Variants in NF2 observed in about 807,000 individuals in gnomAD.
NF2 encodes NF2, moesin-ezrin-radixin like (MERLIN) tumor suppressor.
A neutral mutation model predicts 83.7 loss-of-function variants in NF2; 8 were observed. The observed-to-expected ratio is 0.10, with a 90% confidence interval of 0.06 to 0.17. NF2 has a LOEUF of 0.17. Ranked by LOEUF, NF2 falls within the 10% of genes least tolerant of loss-of-function variation. The probability of loss-of-function intolerance (pLI) is 1.00; values close to 1 mark genes in which losing one functional copy is unlikely to be tolerated. For missense variants in NF2, 533 were observed against 744.4 expected, an observed-to-expected ratio of 0.72 and a Z score of 3.31; for synonymous variants, 266 against 269.6, an observed-to-expected ratio of 0.99 and a Z score of 0.13.
chr22:29,659,954 C>T (rs1359807489), intron 7 of NF2, among the ~76,000 whole-genome samples: 8 of 152,162 alleles, frequency 5.3e-5, no homozygotes, highest in African/African-American at 1.4e-4. Flanking sequence ...TGCTGGAGTA[C>T]TCACTCCTCA....
chr22:29,626,186 A>T (rs1297053059), intron 1 of NF2, among the ~76,000 whole-genome samples: 8 of 147,318 alleles, frequency 5.4e-5, no homozygotes, highest in African/African-American at 2.0e-4. Context: ...ATGGAGTCTA[A>T]CTCTGTCACC....
chr22:29,646,675 C>T (rs2065990011), intron 4 of NF2, among the ~76,000 whole-genome samples: 1 of 152,114 alleles, frequency 6.6e-6, no homozygotes, highest in Non-Finnish European at 1.5e-5. Flanking sequence ...AAACAATTAC[C>T]CTCAAAGTAT....
At chr22:29,683,647 A>G (rs754401328) in intron 15 of NF2, 90 of 1,084,758 alleles carry the variant, frequency 8.3e-5, no homozygotes, top group Non-Finnish European at 9.3e-5. Context: ...CTGATATGTG[A>G]GTCCACGGGG....
intron 15 of NF2, among the ~76,000 whole-genome samples, chr22:29,685,236 T>G (rs2067241613): frequency 2.6e-5 from 4 of 151,648 alleles, no homozygotes; most frequent in Non-Finnish European, 5.9e-5. Context: ...GCCTCCCAAG[T>G]AGCTGAGACT....
At chr22:29,622,152 C>T (rs528459815) in intron 1 of NF2, among the ~76,000 whole-genome samples, 2 of 152,362 alleles carry the variant, frequency 1.3e-5, no homozygotes, top group African/African-American at 4.8e-5. Context: ...ACTTCCTCAA[C>T]TTAACAACTA....
At chr22:29,665,208 A>C in intron 9 of NF2, 144 bp downstream of exon 9, 1 of 711,072 alleles carries the variant, frequency 1.4e-6, no homozygotes, top group Non-Finnish European at 2.4e-6. Context: ...TAGCTTAAAG[A>C]GTTAAAACTA....
At chr22:29,607,301 G>C (rs908258479) in intron 1 of NF2, among the ~76,000 whole-genome samples, 4 of 151,524 alleles carry the variant, frequency 2.6e-5, no homozygotes. Context: ...TCAGTGTGTT[G>C]TTGAAAATAA....
At chr22:29,640,279 C>G (rs1447942567) in intron 3 of NF2, among the ~76,000 whole-genome samples, 1 of 150,536 alleles carries the variant, frequency 6.6e-6, no homozygotes, top group African/African-American at 2.4e-5. Context: ...CTTCAGACAT[C>G]GTGCTTCATG....
chr22:29,609,669 T>C (rs1322602143), intron 1 of NF2, among the ~76,000 whole-genome samples: 1 of 152,206 alleles, frequency 6.6e-6, no homozygotes, highest in Non-Finnish European at 1.5e-5. Context: ...AAGTTAGAAA[T>C]TGGTGTGTAT....
At chr22:29,669,314 A>C (rs903824059) in intron 10 of NF2, among the ~76,000 whole-genome samples, 2 of 152,148 alleles carry the variant, frequency 1.3e-5, no homozygotes, top group African/African-American at 4.8e-5. Context: ...TGTTGGACAA[A>C]GAAATCCTAC....
intron 1 of NF2, among the ~76,000 whole-genome samples, chr22:29,624,919 C>CTTTCTTTCTTTCTT (rs1369324990): frequency 3.5e-5 from 5 of 144,030 alleles, no homozygotes; most frequent in African/African-American, 1.3e-4. Flanking sequence ...CTCTCTCTCT[C>CTTTCTTTCTTTCTT]TCTTTCTTTC....
rs780483061 is a variant in NF2, at chr22:29,642,214, A to G, written c.376A>G (p.Ile126Val). Residue 126 changes from isoleucine to valine, a missense_variant, in exon 4 of 16, where the codon ATT becomes GTT. Transcript: ENST00000338641. ...HLFFLQVKKQ[I>V]LDEKIYCPPE... ...TTGCTCCTTTCAGGTAAAGAAGCAG[A>G]TTTTAGATGAAAAGATCTACTGCCC... 4 of 1,614,006 alleles carry G rather than the reference A, an allele frequency of 2.5e-6. No individual in the cohort carries two copies. The Middle Eastern group carries it at 5.0e-4, about 200-fold the overall frequency.
At position 29,695,098 on chromosome 22, in the gene NF2, C is replaced by A; in HGVS notation, c.*296C>A. On this transcript the variant is annotated 3_prime_UTR_variant, in exon 16 of 16. Coordinates refer to ENST00000338641, the MANE Select transcript of NF2 (RefSeq NM_000268.4). This position sits in a 1 kb window ranked among gnomAD's most constrained non-coding sequence, Gnocchi z 5.4. Reference sequence around the variant, plus strand: ...TCCTGACTCCCTTCGTCCAAGGCACCGGTGTGTGTGTGTCTTGCACTCCAG... The same window carrying A: ...TCCTGACTCCCTTCGTCCAAGGCACAGGTGTGTGTGTGTCTTGCACTCCAG... 1 of 528,814 alleles carries A rather than the reference C, an allele frequency of 1.9e-6. No homozygotes were observed. Among genetic ancestry groups the A allele is most frequent in the Non-Finnish European group, 3.4e-6 (1 of 291,664 alleles). 32.8% of individuals were successfully genotyped at this position (528,814 alleles called of 1,614,324 possible). A position where few individuals can be genotyped will look rare whatever the true frequency, so the allele number is the denominator to read the frequency against.
chr22:29,675,019 G>A (rs1170507014), intron 13 of NF2, 78 bp downstream of exon 13: 32 of 1,275,240 alleles, frequency 2.5e-5, no homozygotes, highest in Non-Finnish European at 3.3e-6. Flanking sequence ...CAGTTCATCT[G>A]GCGGTGCCTT....
chr22:29,612,911 C>T (rs1286033170), intron 1 of NF2, among the ~76,000 whole-genome samples: 1 of 151,764 alleles, frequency 6.6e-6, no homozygotes, highest in African/African-American at 2.4e-5. Flanking sequence ...GCCTGGCCAA[C>T]ATGGAGAAAC....
rs147792094 is a variant in NF2 at position 29,693,681 on chromosome 22, G to A, written c.1738-1071G>A. Reference sequence around the variant, plus strand: ...GTGAGCTCTCGGACCTTCTCAGCCGGGTGTGGAGCTCTTGCCTCTCCCGCG... The same window carrying A: ...GTGAGCTCTCGGACCTTCTCAGCCGAGTGTGGAGCTCTTGCCTCTCCCGCG... On this transcript the variant is annotated intron_variant, in intron 15 of 15. Coordinates refer to ENST00000338641, the MANE Select transcript of NF2 (RefSeq NM_000268.4). 1.2e-4 allele frequency among the ~76,000 whole-genome samples: 18 copies of A among 152,298 alleles called. No individual in the cohort carries two copies. In the East Asian group the frequency reaches 3.3e-3, roughly 28 times the overall value.
intron 4 of NF2, among the ~76,000 whole-genome samples, chr22:29,651,788 T>C (rs2066154849): frequency 1.3e-5 from 2 of 152,156 alleles, no homozygotes; most frequent in Admixed American, 1.3e-4. Flanking sequence ...ATAATGGGGG[T>C]TGTTAATCTT....
chr22:29,673,780 A>G lies in NF2; in HGVS notation c.1340+294A>G, dbSNP rs113515575. On this transcript the variant is annotated intron_variant, in intron 12 of 15. Transcript: ENST00000338641. ...GGCCGTGTGTGCAGGAAAACCCCTG[A>G]GCATATCCACAGACCGCTTTCAGCT... 4.4e-3 allele frequency among the ~76,000 whole-genome samples: 674 copies of G among 152,254 alleles called. 6 individuals are homozygous for G. The highest frequency in any genetic ancestry group is 0.015 in the African/African-American group (640 of 41,542).
chr22:29,610,996 G>A (rs1296939827), intron 1 of NF2, among the ~76,000 whole-genome samples: 14 of 152,104 alleles, frequency 9.2e-5, no homozygotes. Flanking sequence ...TTTATTCCAG[G>A]AGTGCAAGGT....
Sources: gnomAD v4.1 joint callset for allele counts (sites outside exome capture counted in the v4.1 genomes callset) on GRCh38, gnomAD v4.1.1 for gene constraint, Gnocchi (gnomAD v3.1) non-coding constraint, MANE v1.5 for transcripts, NCBI Gene and HGNC (gene_info 2026-07-23, HGNC 2026-07-21) for gene names.